The following CAMKMT variants were observed in gnomAD, a reference collection of about 807,000 sequenced individuals.
CAMKMT encodes CaM KMT.
A neutral mutation model predicts 48.0 loss-of-function variants in CAMKMT; 53 were observed. That is an observed-to-expected ratio of 1.10 (90% CI 0.89 to 1.39). CAMKMT has a LOEUF of 1.39. Ranked by LOEUF, CAMKMT falls within the 40% of genes most tolerant of loss-of-function variation. The pLI is 0.00. For missense variants in CAMKMT, 428 were observed against 402.7 expected (o/e 1.06, Z -0.54); for synonymous variants, 165 against 152.3 (o/e 1.08, Z -0.61).
chr2:44,375,651 G>C (rs900058770), intron 2 of CAMKMT, among the ~76,000 whole-genome samples: 2 of 152,104 alleles, frequency 1.3e-5, no homozygotes, highest in African/African-American at 4.8e-5. Context: ...TGATGGCAAA[G>C]ATACTAGAAA....
intron 3 of CAMKMT, among the ~76,000 whole-genome samples, chr2:44,660,103 A>G (rs1289519864): frequency 1.3e-5 from 2 of 152,244 alleles, no homozygotes; most frequent in Non-Finnish European, 2.9e-5. Flanking sequence ...ACATATTTTT[A>G]TGAAAAGTAA....
intron 3 of CAMKMT, among the ~76,000 whole-genome samples, chr2:44,445,017 G>A (rs1666896036): frequency 6.6e-6 from 1 of 152,150 alleles, no homozygotes; most frequent in Non-Finnish European, 1.5e-5. Flanking sequence ...AGAGGCAGAT[G>A]ATAATAGAGG....
At chr2:44,762,793 G>A (rs1281210681) in intron 9 of CAMKMT, among the ~76,000 whole-genome samples, 1 of 152,158 alleles carries the variant, frequency 6.6e-6, no homozygotes, top group Non-Finnish European at 1.5e-5. Flanking sequence ...CTGTGGTTTA[G>A]TGGAACTTCT....
intron 2 of CAMKMT, among the ~76,000 whole-genome samples, chr2:44,385,783 T>C (rs755881962): frequency 6.6e-6 from 1 of 152,156 alleles, no homozygotes; most frequent in Non-Finnish European, 1.5e-5. Context: ...CATTTATTGA[T>C]TTGCATATGT....
chr2:44,453,040 C>G (rs1181959159), intron 3 of CAMKMT, among the ~76,000 whole-genome samples: 1 of 152,016 alleles, frequency 6.6e-6, no homozygotes, highest in Non-Finnish European at 1.5e-5. Flanking sequence ...ATATCAAAGA[C>G]TATATGCTGC....
intron 3 of CAMKMT, chr2:44,549,652 C>G: frequency 1.7e-6 from 1 of 598,174 alleles, no homozygotes; most frequent in Non-Finnish European, 3.0e-6. Flanking sequence ...TTAAGAAACA[C>G]TTCGTGGCAG....
In CAMKMT at chr2:44,388,511, C is replaced by G. The variant is rs149053527; in HGVS notation, c.312-1730C>G. ...CTCCTGAATTCTTTTTCAGGTAAAT[C>G]AGGGATTTCTTCTTGGTCCGGATCC... On this transcript the variant is annotated intron_variant, in intron 2 of 10. Coordinates refer to ENST00000378494, the MANE Select transcript of CAMKMT (RefSeq NM_024766.5). 9.1e-3 allele frequency among the ~76,000 whole-genome samples: 1,391 copies of G among 152,212 alleles called. 22 individuals carry two copies. Among genetic ancestry groups the G allele is most frequent in the South Asian group, 0.083 (399 of 4,812 alleles).
chr2:44,386,322 C>T (rs986594815), intron 2 of CAMKMT, among the ~76,000 whole-genome samples: 1 of 151,910 alleles, frequency 6.6e-6, no homozygotes, highest in African/African-American at 2.4e-5. Flanking sequence ...ATATAGTAGC[C>T]TTGAATGATC....
chr2:44,586,774 T>C (rs905021118), intron 3 of CAMKMT, among the ~76,000 whole-genome samples: 39 of 152,362 alleles, frequency 2.6e-4, no homozygotes, highest in African/African-American at 9.1e-4. Flanking sequence ...GTGACATTTA[T>C]GTAGAATCTT....
chr2:44,551,615 A>G (rs1199032196), intron 3 of CAMKMT, among the ~76,000 whole-genome samples: 2 of 152,174 alleles, frequency 1.3e-5, no homozygotes, highest in African/African-American at 4.8e-5. Flanking sequence ...TTTCTTCAAA[A>G]CATCCTGGGC....
intron 3 of CAMKMT, among the ~76,000 whole-genome samples, chr2:44,439,103 T>C (rs1327633756): frequency 6.6e-6 from 1 of 152,234 alleles, no homozygotes; most frequent in African/African-American, 2.4e-5. Context: ...GTAACCATAC[T>C]TTCCTGGCCA....
intron 3 of CAMKMT, among the ~76,000 whole-genome samples, chr2:44,546,174 C>CAG (rs755804070): frequency 2.2e-4 from 27 of 124,168 alleles, no homozygotes; most frequent in African/African-American, 6.2e-4. Flanking sequence ...CACACACACA[C>CAG]ACACACACAC....
At chr2:44,748,959 T>C (rs981521849) in intron 8 of CAMKMT, among the ~76,000 whole-genome samples, 7 of 152,224 alleles carry the variant, frequency 4.6e-5, no homozygotes, top group Admixed American at 4.6e-4. Flanking sequence ...CTGTTTAATA[T>C]GACTTAATGG....
At chr2:44,684,220 T>C (rs1306376735) in intron 3 of CAMKMT, among the ~76,000 whole-genome samples, 1 of 152,174 alleles carries the variant, frequency 6.6e-6, no homozygotes, top group Non-Finnish European at 1.5e-5. Context: ...CGTGATGACT[T>C]CTCCGTTCTC....
intron 3 of CAMKMT, among the ~76,000 whole-genome samples, chr2:44,595,357 C>T (rs1572882843): frequency 6.6e-6 from 1 of 152,288 alleles, no homozygotes; most frequent in Non-Finnish European, 1.5e-5. Context: ...CTGCCCGCCT[C>T]AGCGTCCAAA....
intron 3 of CAMKMT, among the ~76,000 whole-genome samples, chr2:44,539,733 A>G (rs1266437878): frequency 1.3e-5 from 2 of 152,040 alleles, no homozygotes; most frequent in African/African-American, 4.8e-5. Context: ...AATGTCCTTC[A>G]TTCTGGGTTT....
chr2:44,557,131 T>A (rs546704634), intron 3 of CAMKMT, among the ~76,000 whole-genome samples: 35 of 152,368 alleles, frequency 2.3e-4, no homozygotes, highest in African/African-American at 8.2e-4. Flanking sequence ...TTAATGATAA[T>A]GTGGTTTCCA....
chr2:44,387,801 C>A (rs2104405899), intron 2 of CAMKMT, among the ~76,000 whole-genome samples: 1 of 152,104 alleles, frequency 6.6e-6, no homozygotes, highest in African/African-American at 2.4e-5. Context: ...TATATGATGC[C>A]TTGTTTCACT....
intron 3 of CAMKMT, among the ~76,000 whole-genome samples, chr2:44,675,623 C>G (rs973533381): frequency 6.6e-5 from 10 of 152,128 alleles, no homozygotes; most frequent in African/African-American, 2.4e-4. Context: ...TATAGATATT[C>G]TTATCTCCAT....
Sources: gnomAD v4.1 joint callset for allele counts (sites outside exome capture counted in the v4.1 genomes callset) on GRCh38, gnomAD v4.1.1 for gene constraint, MANE v1.5 for transcripts, NCBI Gene and HGNC (gene_info 2026-07-23, HGNC 2026-07-21) for gene names.